The following B3GALT9 variants were observed in gnomAD, a reference collection of about 807,000 sequenced individuals.
B3GALT9 encodes the protein UDP-GlcNAc:betaGal beta-1,3-N-acetylglucosaminyltransferase 10 (putative).
chr9:120,797,640 A>C (rs2044948285), intron 2 of B3GALT9, among the ~76,000 whole-genome samples: 1 of 152,246 alleles, frequency 6.6e-6, no homozygotes, highest in African/African-American at 2.4e-5. Context: ...CAGCTTAATT[A>C]CGAAAATAAC....
At position 120,793,520 on chromosome 9, in the gene B3GALT9, AG is replaced by A; in HGVS notation, c.-580del. 2.5e-6 allele frequency: 1 copy of A among 399,668 alleles called. No homozygotes were observed. The highest frequency in any genetic ancestry group is 4.4e-6 in the Non-Finnish European group (1 of 226,906). 24.8% of individuals were successfully genotyped at this position (399,668 alleles called of 1,614,324 possible). A position where few individuals can be genotyped will look rare whatever the true frequency, so the allele number is the denominator to read the frequency against. ...TGGTGGGAGGCTGGAGGCCGGGAGTAGGGGTGGGGAGAAGAGCGTCCCGGGA... is the reference window on the plus strand; with the variant it reads ...TGGTGGGAGGCTGGAGGCCGGGAGTAGGGTGGGGAGAAGAGCGTCCCGGGA... On this transcript the variant is annotated 5_prime_UTR_variant, in exon 1 of 3. Transcript: ENST00000689072.
intron 2 of B3GALT9, 104 bp from the exon 3 acceptor site, chr9:120,798,471 G>A: frequency 2.5e-6 from 1 of 398,204 alleles, no homozygotes; most frequent in Non-Finnish European, 4.4e-6. Flanking sequence ...ACTTAAAATA[G>A]AGTGTACTGC....
intron 1 of B3GALT9, 124 bp downstream of exon 1, chr9:120,794,046 A>G (rs748783401): frequency 5.4e-5 from 9 of 166,560 alleles, no homozygotes; most frequent in Middle Eastern, 2.7e-3. Flanking sequence ...CTGCATAGCA[A>G]TTATAGTGAG....
In B3GALT9 at chr9:120,798,032, G is replaced by C. The variant is rs535946302; in HGVS notation, c.7-543G>C. On this transcript the variant is annotated intron_variant, in intron 2 of 2. Coordinates refer to ENST00000689072, the MANE Select transcript of B3GALT9 (RefSeq NM_001386823.1). ...ATTCAGTATTAGATTAAATTGGAAA[G>C]TCATACTAGAAGAATGTAAATATTT... 7.2e-5 allele frequency among the ~76,000 whole-genome samples: 11 copies of C among 152,346 alleles called. No homozygotes were observed. In the South Asian group the frequency reaches 2.3e-3, roughly 32 times the overall value.
At position 120,800,615 on chromosome 9, in the gene B3GALT9, A is replaced by C. The variant is rs1375087260; in HGVS notation, c.*937A>C. The stretch of plus-strand genomic sequence containing the variant: ...TTTTTTTTTTATAAACTGACTAGTA[A>C]AAATTATGTATATTTATGTTGTACA... On this transcript the variant is annotated 3_prime_UTR_variant, in exon 3 of 3. Coordinates refer to ENST00000689072, the MANE Select transcript of B3GALT9 (RefSeq NM_001386823.1). Among the ~76,000 whole-genome samples, 1 of 152,120 alleles carries C rather than the reference A, an allele frequency of 6.6e-6. No homozygotes were observed. The highest frequency in any genetic ancestry group is 1.5e-5 in the Non-Finnish European group (1 of 68,030).
chr9:120,800,900 C>A lies in B3GALT9; in HGVS notation c.*1222C>A, dbSNP rs2044966282. 6.6e-6 allele frequency among the ~76,000 whole-genome samples: 1 copy of A among 152,218 alleles called. No individual in the cohort carries two copies. The highest frequency in any genetic ancestry group is 1.5e-5 in the Non-Finnish European group (1 of 68,038). On this transcript the variant is annotated 3_prime_UTR_variant, in exon 3 of 3. Coordinates refer to ENST00000689072, the MANE Select transcript of B3GALT9 (RefSeq NM_001386823.1). Reference sequence around the variant, plus strand: ...CCCAACCCCCAGTCTCTGGTAACCTCCATTTACTCTCTGTTTCTATGAATT... The same window carrying A: ...CCCAACCCCCAGTCTCTGGTAACCTACATTTACTCTCTGTTTCTATGAATT...
At chr9:120,794,262 GT>G (rs2044916529) in intron 1 of B3GALT9, among the ~76,000 whole-genome samples, 1 of 151,994 alleles carries the variant, frequency 6.6e-6, no homozygotes, top group African/African-American at 2.4e-5. Context: ...ATCAAAAGAG[GT>G]TTAGGCATCT....
In B3GALT9 at chr9:120,799,323, A is replaced by G; in HGVS notation, c.755A>G (p.Asp252Gly). Reference sequence around the variant, plus strand: ...GGTGAGGCCTTTATAATGTCCCAAGATGTGGCTCGAATGATGTATGTGGTT... The same window carrying G: ...GGTGAGGCCTTTATAATGTCCCAAGGTGTGGCTCGAATGATGTATGTGGTT... ...CSGEAFIMSQ[D>G]VARMMYVVFK... The change falls in exon 3 of 3, where the codon GAT becomes GGT. Residue 252 changes from aspartate (D) to glycine (G), a missense_variant. By Grantham distance (94) the Asp-to-Gly change is moderately conservative. Transcript: ENST00000689072. The G allele has an allele frequency of 2.5e-6, 1 of 399,322 alleles. No individual in the cohort carries two copies. Among genetic ancestry groups the G allele is most frequent in the Non-Finnish European group, 4.4e-6 (1 of 226,166 alleles). The allele number at this position is 399,322 out of a possible 1,614,324, so 24.7% of individuals were successfully genotyped here.
chr9:120,801,284 A>G lies in B3GALT9; in HGVS notation c.*1606A>G, dbSNP rs915368745. 4.6e-5 allele frequency among the ~76,000 whole-genome samples: 7 copies of G among 152,240 alleles called. 1 individual carries two copies. Among genetic ancestry groups the G allele is most frequent in the African/African-American group, 1.7e-4 (7 of 41,470 alleles). Reference sequence around the variant, plus strand: ...ATTTTTAATTTTGTGAGGAACCTCCATAATGGCTGTATTATTGGTTTACCA... The same window carrying G: ...ATTTTTAATTTTGTGAGGAACCTCCGTAATGGCTGTATTATTGGTTTACCA... On this transcript the variant is annotated 3_prime_UTR_variant, in exon 3 of 3. Transcript: ENST00000689072.
intron 1 of B3GALT9, 126 bp downstream of exon 1, chr9:120,794,048 T>C (rs1160275431): frequency 6.1e-6 from 1 of 165,132 alleles, no homozygotes; most frequent in African/African-American, 2.4e-5. Flanking sequence ...GCATAGCAAT[T>C]ATAGTGAGGT....
Position 120,799,299 on chromosome 9 carries a change from G to T in B3GALT9, c.731G>T (p.Gly244Val), listed in dbSNP as rs2044956812. 5.0e-6 allele frequency: 2 copies of T among 399,520 alleles called. No individual in the cohort carries two copies. Among genetic ancestry groups the T allele is most frequent in the East Asian group, 7.1e-5 (2 of 28,078 alleles). The allele number at this position is 399,520 out of a possible 1,614,324, so 24.7% of individuals were successfully genotyped here. A position where few individuals can be genotyped will look rare whatever the true frequency, so the allele number is the denominator to read the frequency against. The change falls in exon 3 of 3, where the codon GGT becomes GTT. Residue 244 changes from glycine (G) to valine (V), a missense_variant. Transcript: ENST00000689072. ...PEKYYPDYCS[G>V]EAFIMSQDVA... Reference sequence around the variant, plus strand: ...AAATACTACCCAGATTACTGCAGTGGTGAGGCCTTTATAATGTCCCAAGAT... The same window carrying T: ...AAATACTACCCAGATTACTGCAGTGTTGAGGCCTTTATAATGTCCCAAGAT...
At chr9:120,798,470 A>ATTT in intron 2 of B3GALT9, 105 bp from the exon 3 acceptor site, 1 of 398,278 alleles carries the variant, frequency 2.5e-6, no homozygotes, top group Non-Finnish European at 4.4e-6. Context: ...CACTTAAAAT[A>ATTT]GAGTGTACTG....
In B3GALT9 at chr9:120,793,484, C is replaced by G. The variant is rs576779400; in HGVS notation, c.-620C>G. The G allele has an allele frequency of 2.5e-6, 1 of 399,084 alleles. No individual in the cohort carries two copies. Among genetic ancestry groups the G allele is most frequent in the South Asian group, 1.3e-4 (1 of 7,600 alleles). 24.7% of individuals were successfully genotyped at this position (399,084 alleles called of 1,614,324 possible). Reference sequence around the variant, plus strand: ...AAGCGGCTGCACTTCCGGTCCCCGCCCGGAGGTGGGTGGTGGGAGGCTGGA... The same window carrying G: ...AAGCGGCTGCACTTCCGGTCCCCGCGCGGAGGTGGGTGGTGGGAGGCTGGA... On this transcript the variant is annotated 5_prime_UTR_variant, in exon 1 of 3. Transcript: ENST00000689072.
chr9:120,793,991 C>T lies in B3GALT9; in HGVS notation c.-182+69C>T, dbSNP rs561502892. 2.8e-5 allele frequency: 6 copies of T among 213,910 alleles called. No individual in the cohort carries two copies. The East Asian group carries it at 3.0e-4, about 11-fold the overall frequency. The allele number at this position is 213,910 out of a possible 1,614,324, so 13.3% of individuals were successfully genotyped here. On this transcript the variant is annotated intron_variant, in intron 1 of 2. Transcript: ENST00000689072. ...ATTTGAATGAATCACAACGTTTACACTCTGGCTGTGGCCCGGTTACTTAAC... is the reference window on the plus strand; with the variant it reads ...ATTTGAATGAATCACAACGTTTACATTCTGGCTGTGGCCCGGTTACTTAAC...
At chr9:120,794,506 TTGTG>T (rs10589412) in intron 1 of B3GALT9, among the ~76,000 whole-genome samples, 51,113 of 141,788 alleles carry the variant, frequency 0.36, 10,131 homozygotes, top group South Asian at 0.49. Flanking sequence ...GCCCAGCTAG[TTGTG>T]TGTGTGTGTG....
At chr9:120,795,690 C>T (rs892879593) in intron 1 of B3GALT9, among the ~76,000 whole-genome samples, 1 of 152,090 alleles carries the variant, frequency 6.6e-6, no homozygotes, top group African/African-American at 2.4e-5. Flanking sequence ...GGAAGATCAA[C>T]ATGTTGGATG....
At position 120,794,452 on chromosome 9, in the gene B3GALT9, C is replaced by T. The variant is rs28656922; in HGVS notation, c.-182+530C>T. 3.5e-3 allele frequency among the ~76,000 whole-genome samples: 533 copies of T among 152,086 alleles called. 3 individuals are homozygous for T. The highest frequency in any genetic ancestry group is 0.012 in the African/African-American group (503 of 41,442). On this transcript the variant is annotated intron_variant, in intron 1 of 2. Coordinates refer to ENST00000689072, the MANE Select transcript of B3GALT9 (RefSeq NM_001386823.1). ...TCTCCAGGCTCAAGCGATCCTCCCACCTCAGCCTCCTGAGTAGAAGGGACC... is the reference window on the plus strand; with the variant it reads ...TCTCCAGGCTCAAGCGATCCTCCCATCTCAGCCTCCTGAGTAGAAGGGACC...
rs371730504 is a variant in B3GALT9 at position 120,799,364 on chromosome 9, A to T, written c.796A>T (p.Met266Leu). ...GTATGTGGTTTTCAAAGAAGTACCC[A>T]TGATGGTGCCAGCTGATGTGTTTGT... is the stretch of plus-strand genomic sequence containing the variant. The part of the protein sequence containing the change: ...MMYVVFKEVP[M>L]MVPADVFVGI... The change falls in exon 3 of 3, where the codon ATG becomes TTG. Residue 266 changes from methionine to leucine, a missense_variant. By Grantham distance (15) the Met-to-Leu change is conservative. Coordinates refer to ENST00000689072, the MANE Select transcript of B3GALT9 (RefSeq NM_001386823.1). 2 of 399,312 alleles carry T rather than the reference A, an allele frequency of 5.0e-6. No homozygotes were observed. Among genetic ancestry groups the T allele is most frequent in the Non-Finnish European group, 8.8e-6 (2 of 226,160 alleles). The allele number at this position is 399,312 out of a possible 1,614,324, so 24.7% of individuals were successfully genotyped here.
chr9:120,793,489 G>A lies in B3GALT9; in HGVS notation c.-615G>A, dbSNP rs571586045. On this transcript the variant is annotated 5_prime_UTR_variant, in exon 1 of 3. Transcript: ENST00000689072. ...GCTGCACTTCCGGTCCCCGCCCGGA[G>A]GTGGGTGGTGGGAGGCTGGAGGCCG... 7.5e-6 allele frequency: 3 copies of A among 399,684 alleles called. No individual in the cohort carries two copies. The South Asian group carries it at 3.9e-4, about 52-fold the overall frequency. The allele number at this position is 399,684 out of a possible 1,614,324, so 24.8% of individuals were successfully genotyped here. A position where few individuals can be genotyped will look rare whatever the true frequency, so the allele number is the denominator to read the frequency against.
Sources: allele counts gnomAD v4.1 joint callset (sites outside exome capture counted in the v4.1 genomes callset), GRCh38; gene constraint gnomAD v4.1.1; transcripts MANE v1.5; gene names NCBI Gene and HGNC (gene_info 2026-07-23, HGNC 2026-07-21).